Variants in NIF3L1 observed in about 807,000 individuals in gnomAD.
NIF3L1 encodes NIF3-like protein 1.
Under a neutral mutation model 35.0 loss-of-function variants are expected in NIF3L1, and 26 were observed. The observed-to-expected ratio is 0.74, with a 90% CI of 0.54 to 1.03. NIF3L1 has a LOEUF of 1.03. NIF3L1 is among the 50% of genes least tolerant of loss of function. NIF3L1 has a pLI of 0.00. For synonymous variants in NIF3L1, 157 were observed against 178.9 expected, an observed-to-expected ratio of 0.88 and a Z score of 0.98; for missense variants, 449 against 466.3, an observed-to-expected ratio of 0.96 and a Z score of 0.34.
At chr2:200,897,991 C>T (rs1482241929) in intron 5 of NIF3L1, among the ~76,000 whole-genome samples, 1 of 152,198 alleles carries the variant, frequency 6.6e-6, no homozygotes, top group Non-Finnish European at 1.5e-5. Context: ...CCCTCTGTGT[C>T]ACAGTAGCCT....
intron 1 of NIF3L1, among the ~76,000 whole-genome samples, chr2:200,890,091 C>T (rs887417329): frequency 6.6e-6 from 1 of 152,208 alleles, no homozygotes; most frequent in East Asian, 1.9e-4. Flanking sequence ...GACGCAGTGG[C>T]TCACCCCTGT....
chr2:200,895,413 G>T (rs1404273547), intron 4 of NIF3L1, 23 bp downstream of exon 4: 3 of 1,610,604 alleles, frequency 1.9e-6, no homozygotes, highest in Non-Finnish European at 2.5e-6. Flanking sequence ...TTTTGTATTT[G>T]ATCTTAAAAT....
chr2:200,893,537 C>A, intron 3 of NIF3L1, 129 bp downstream of exon 3: 1 of 852,158 alleles, frequency 1.2e-6, no homozygotes, highest in Non-Finnish European at 1.8e-6. Flanking sequence ...AAGTAGCATA[C>A]TCCTCATTTG....
rs1276160150 is a variant in NIF3L1 at position 200,895,295 on chromosome 2, C to A, written c.631C>A (p.Leu211Met). Residue 211 changes from leucine to methionine, a missense_variant, in exon 4 of 7, where the codon CTG (leucine) becomes ATG (methionine). By Grantham distance (15) the Leu-to-Met change is conservative. Coordinates refer to ENST00000409020, the MANE Select transcript of NIF3L1 (RefSeq NM_001369441.2). ...TAATGAGGAACAAACACGGATTAAT[C>A]TGAATTGTACTCAGAAGGCTTTGAT... ...TGNEEQTRIN[L>M]NCTQKALMQV... The A allele has an allele frequency of 3.5e-5, 56 of 1,613,874 alleles. No homozygotes were observed. Among genetic ancestry groups the A allele is most frequent in the Non-Finnish European group, 4.7e-5 (55 of 1,179,906 alleles).
Position 200,892,287 on chromosome 2 carries a change from G to A in NIF3L1, c.344G>A (p.Arg115Gln), listed in dbSNP as rs201241357. 17 of 1,614,026 alleles carry A rather than the reference G, an allele frequency of 1.1e-5. No homozygotes were observed. The East Asian group carries it at 1.6e-4, about 15-fold the overall frequency. ...ACATGGAAGGAGCGCCTGGTGATCC[G>A]GGCTCTGGAGAACAGAGTCGGTATC... ...WNTWKERLVI[R>Q]ALENRVGIYS... The change falls in exon 2 of 7, where the codon CGG (arginine) becomes CAG (glutamine). Residue 115 changes from arginine (R) to glutamine (Q), a missense_variant. Arg to Gln is a conservative substitution (Grantham distance 43). Transcript: ENST00000409020.
At chr2:200,899,233 GT>G (rs1043668802) in intron 5 of NIF3L1, 151 bp from the exon 6 acceptor site, 11 of 483,442 alleles carry the variant, frequency 2.3e-5, no homozygotes, top group Admixed American at 3.8e-5. Context: ...ATTAAAACAT[GT>G]TTTTTTTAAA....
In NIF3L1 at chr2:200,903,708, C is replaced by G; in HGVS notation, c.*30C>G. On this transcript the variant is annotated 3_prime_UTR_variant, in exon 7 of 7. Coordinates refer to ENST00000409020, the MANE Select transcript of NIF3L1 (RefSeq NM_001369441.2). ...AGAAACATCAGGATAACACATTCTA[C>G]AAATCAGCTGGATGCCAACTTAAAT... 1.3e-6 allele frequency: 2 copies of G among 1,581,362 alleles called. No homozygotes were observed. Among genetic ancestry groups the G allele is most frequent in the Non-Finnish European group, 1.7e-6 (2 of 1,150,270 alleles).
At chr2:200,893,547 G>T (rs2040244019) in intron 3 of NIF3L1, 139 bp downstream of exon 3, 1 of 770,012 alleles carries the variant, frequency 1.3e-6, no homozygotes, top group East Asian at 2.8e-5. Flanking sequence ...CTCCTCATTT[G>T]TTTGTGGGTC....
intron 1 of NIF3L1, among the ~76,000 whole-genome samples, chr2:200,890,840 T>G (rs2040169177): frequency 6.6e-6 from 1 of 152,202 alleles, no homozygotes; most frequent in Non-Finnish European, 1.5e-5. Context: ...AAATGTTGCT[T>G]AAGGGGCAGT....
Position 200,892,149 on chromosome 2 carries a change from T to C in NIF3L1, c.206T>C (p.Leu69Pro), listed in dbSNP as rs543883424. Residue 69 changes from leucine to proline, a missense_variant, in exon 2 of 7, where the codon CTG becomes CCG. Physicochemically the swap from Leu to Pro is moderately conservative, Grantham distance 98. Coordinates refer to ENST00000409020, the MANE Select transcript of NIF3L1 (RefSeq NM_001369441.2). ...SPPHTVNTLF[L>P]TNDLTEEVME... ...CCACATACTGTAAATACACTCTTCCTGACCAATGACCTGACTGAGGAAGTG... is the reference window on the plus strand; with the variant it reads ...CCACATACTGTAAATACACTCTTCCCGACCAATGACCTGACTGAGGAAGTG... 2.6e-5 allele frequency: 42 copies of C among 1,614,208 alleles called. 1 individual carries two copies. In the South Asian group the frequency reaches 4.3e-4, roughly 16 times the overall value.
rs746530267 is a variant in NIF3L1, at chr2:200,892,221, A to C, written c.278A>C (p.His93Pro). 6.2e-7 allele frequency: 1 copy of C among 1,614,216 alleles called. No individual in the cohort carries two copies. The highest frequency in any genetic ancestry group is 1.1e-5 in the South Asian group (1 of 91,082). Reference protein sequence around the residue: ...QKKADLILSYHPPIFRPMKRI... With the variant: ...QKKADLILSYPPPIFRPMKRI... ...AAGGCAGACCTCATTCTCTCCTACCATCCGCCTATCTTCCGACCCATGAAG... is the reference window on the plus strand; with the variant it reads ...AAGGCAGACCTCATTCTCTCCTACCCTCCGCCTATCTTCCGACCCATGAAG... The change falls in exon 2 of 7, where the codon CAT becomes CCT. Residue 93 changes from histidine (H) to proline (P), a missense_variant. Transcript: ENST00000409020.
At chr2:200,896,876 G>A (rs1376751560) in intron 4 of NIF3L1, among the ~76,000 whole-genome samples, 200 bp from the exon 5 acceptor site, 3 of 152,170 alleles carry the variant, frequency 2.0e-5, no homozygotes, top group South Asian at 2.1e-4. Flanking sequence ...GAGCCATCGC[G>A]CCTGGCCTGA....
chr2:200,897,104 G>A lies in NIF3L1; in HGVS notation c.755G>A (p.Arg252Gln), dbSNP rs189436612. 1.9e-3 allele frequency: 3,100 copies of A among 1,613,898 alleles called. 4 individuals are homozygous for A. The highest frequency in any genetic ancestry group is 2.5e-3 in the Non-Finnish European group (2,930 of 1,179,854). ...KPLLLHTGMGRLCTLDESVSL... is the reference protein window; with the variant it reads ...KPLLLHTGMGQLCTLDESVSL... Reference sequence around the variant, plus strand: ...TTGCTTCTACATACTGGAATGGGACGGTTATGCACACTGGATGAATCTGTC... The same window carrying A: ...TTGCTTCTACATACTGGAATGGGACAGTTATGCACACTGGATGAATCTGTC... Residue 252 changes from arginine to glutamine, a missense_variant, in exon 5 of 7, where the codon CGG (arginine) becomes CAG (glutamine). By Grantham distance (43) the Arg-to-Gln change is conservative. Transcript: ENST00000409020.
At chr2:200,896,729 C>T (rs1007635916) in intron 4 of NIF3L1, among the ~76,000 whole-genome samples, 1 of 152,140 alleles carries the variant, frequency 6.6e-6, no homozygotes, top group Non-Finnish European at 1.5e-5. Context: ...GGACTGCAGG[C>T]GCACGCCACT....
At chr2:200,889,360 C>T (rs1310382362), upstream of NIF3L1, 4 of 292,804 alleles carry the variant, frequency 1.4e-5, no homozygotes, top group Non-Finnish European at 2.7e-5. Context: ...CGACGCGGGA[C>T]CGGAAGTGAC....
At chr2:200,893,527 A>C (rs1238491650) in intron 3 of NIF3L1, 119 bp downstream of exon 3, 3 of 945,176 alleles carry the variant, frequency 3.2e-6, no homozygotes, top group Non-Finnish European at 4.8e-6. Flanking sequence ...TTGATTTACA[A>C]AGTAGCATAC....
chr2:200,894,869 C>T (rs1450267960), intron 3 of NIF3L1, among the ~76,000 whole-genome samples: 1 of 152,092 alleles, frequency 6.6e-6, no homozygotes, highest in Non-Finnish European at 1.5e-5. Context: ...AGCCACTGCA[C>T]CTGGCCAAGA....
At chr2:200,891,666 G>C in intron 1 of NIF3L1, 1 of 461,514 alleles carries the variant, frequency 2.2e-6, no homozygotes, top group South Asian at 2.8e-5. Flanking sequence ...ACCAGGCTTT[G>C]CTAGGTTACA....
At chr2:200,896,335 C>T (rs1267750844) in intron 4 of NIF3L1, among the ~76,000 whole-genome samples, 2 of 152,188 alleles carry the variant, frequency 1.3e-5, no homozygotes, top group African/African-American at 4.8e-5. Flanking sequence ...AAGTTTTTGG[C>T]ACCTTTGTCC....
Sources: allele counts gnomAD v4.1 joint callset (sites outside exome capture counted in the v4.1 genomes callset), GRCh38; gene constraint gnomAD v4.1.1; transcripts MANE v1.5; gene names NCBI Gene and HGNC (gene_info 2026-07-23, HGNC 2026-07-21).